CCDC178: variants seen among roughly 807,000 people sequenced by gnomAD.
The protein encoded by CCDC178 is coiled-coil domain containing 178.
A neutral mutation model predicts 117.4 loss-of-function variants in CCDC178; 126 were observed. That is an observed-to-expected ratio of 1.07 (90% CI 0.93 to 1.24). The LOEUF (loss-of-function observed/expected upper bound fraction) is 1.24. Among genes scored for constraint, CCDC178 ranks in the 50% most tolerant of loss-of-function variants. The probability of loss-of-function intolerance (pLI) is 0.00; values close to 1 mark genes in which losing one functional copy is unlikely to be tolerated. For synonymous variants in CCDC178, 283 were observed against 313.4 expected (o/e 0.90, Z 1.02); for missense variants, 1,030 against 986.9 (o/e 1.04, Z -0.59).
At chr18:33,391,695 A>C (rs1228989475) in intron 4 of CCDC178, among the ~76,000 whole-genome samples, 3 of 152,160 alleles carry the variant, frequency 2.0e-5, no homozygotes, top group Admixed American at 6.5e-5. Context: ...TGTCATAAAA[A>C]ATATGTATGA....
intron 20 of CCDC178, among the ~76,000 whole-genome samples, chr18:33,202,001 C>T (rs1420859510): frequency 2.0e-5 from 3 of 152,144 alleles, no homozygotes; most frequent in African/African-American, 7.2e-5. Flanking sequence ...TTTCAACTAT[C>T]AACGCAGTGG....
intron 4 of CCDC178, among the ~76,000 whole-genome samples, chr18:33,395,409 C>G (rs1189659204): frequency 6.6e-6 from 1 of 151,866 alleles, no homozygotes; most frequent in African/African-American, 2.4e-5. Context: ...TGGCTATAGC[C>G]TCGGAGCAAA....
At chr18:32,999,083 C>T (rs528329502) in intron 21 of CCDC178, among the ~76,000 whole-genome samples, 1 of 152,146 alleles carries the variant, frequency 6.6e-6, no homozygotes, top group African/African-American at 2.4e-5. Flanking sequence ...TCTGGATCTT[C>T]CCTGGACCAC....
chr18:33,293,780 C>T (rs2062069089), intron 11 of CCDC178, among the ~76,000 whole-genome samples: 2 of 152,040 alleles, frequency 1.3e-5, no homozygotes, highest in South Asian at 4.1e-4. Flanking sequence ...AAAAATACTA[C>T]TTAGATGTTA....
chr18:33,222,301 C>T (rs1397432428), intron 18 of CCDC178, among the ~76,000 whole-genome samples: 1 of 147,816 alleles, frequency 6.8e-6, no homozygotes, highest in African/African-American at 2.5e-5. Context: ...CCTTCCTTTC[C>T]TTCCTTCCTC....
chr18:33,013,779 AT>A (rs1460927581), intron 21 of CCDC178, among the ~76,000 whole-genome samples: 2 of 152,224 alleles, frequency 1.3e-5, no homozygotes, highest in Non-Finnish European at 2.9e-5. Flanking sequence ...GGAAGACTAT[AT>A]ATATGCATAC....
At chr18:33,085,354 G>A (rs891671390) in intron 21 of CCDC178, among the ~76,000 whole-genome samples, 2 of 152,138 alleles carry the variant, frequency 1.3e-5, no homozygotes, top group African/African-American at 4.8e-5. Context: ...ACGAGGTCAG[G>A]GGATCGAGAC....
chr18:33,283,234 T>A (rs549117843), intron 12 of CCDC178, among the ~76,000 whole-genome samples: 1 of 152,048 alleles, frequency 6.6e-6, no homozygotes, highest in Non-Finnish European at 1.5e-5. Flanking sequence ...ACTGGCCCCC[T>A]CAAATCTCCC....
intron 22 of CCDC178, among the ~76,000 whole-genome samples, chr18:32,945,850 A>C (rs989309770): frequency 9.8e-5 from 15 of 152,316 alleles, no homozygotes; most frequent in African/African-American, 3.6e-4. Flanking sequence ...GTTGAGAGCA[A>C]AAAAGCTTAG....
intron 20 of CCDC178, among the ~76,000 whole-genome samples, chr18:33,184,770 T>C (rs2058771203): frequency 6.6e-6 from 1 of 152,036 alleles, no homozygotes; most frequent in Non-Finnish European, 1.5e-5. Flanking sequence ...TATTATATAG[T>C]TTACTAAAAA....
At chr18:33,409,393 T>G (rs1026043424) in intron 3 of CCDC178, among the ~76,000 whole-genome samples, 3 of 152,320 alleles carry the variant, frequency 2.0e-5, no homozygotes, top group Middle Eastern at 3.4e-3. Flanking sequence ...CCCCATTAAT[T>G]ATTTTTAGAA....
chr18:33,175,019 ATTTTTTAT>A (rs1328052525), intron 20 of CCDC178, among the ~76,000 whole-genome samples: 6 of 147,580 alleles, frequency 4.1e-5, no homozygotes, highest in African/African-American at 1.0e-4. Flanking sequence ...AACCCGGCTA[ATTTTTTAT>A]TTTTTTATTT....
intron 20 of CCDC178, among the ~76,000 whole-genome samples, chr18:33,096,059 CT>C (rs1312135820): frequency 6.6e-6 from 1 of 151,546 alleles, no homozygotes; most frequent in Non-Finnish European, 1.5e-5. Context: ...AGCAAAAATG[CT>C]GAAAAATGGA....
At chr18:33,331,063 C>T (rs1320898914) in intron 10 of CCDC178, among the ~76,000 whole-genome samples, 1 of 56,332 alleles carries the variant, frequency 1.8e-5, no homozygotes, top group African/African-American at 1.3e-4. Flanking sequence ...GGTCTGCTAG[C>T]ATGAATTCTT....
rs2062314388 is a variant in CCDC178, at chr18:33,309,947, ATTT to A, written c.1022+13541_1022+13543del. ...TTTTCTTTTTTCTTTTCTTTTATTTATTTATTTATTTATTTATTTATTTATTTA... is the reference window on the plus strand; with the variant it reads ...TTTTCTTTTTTCTTTTCTTTTATTTAATTTATTTATTTATTTATTTATTTA... On this transcript the variant is annotated intron_variant, in intron 11 of 22. Coordinates refer to ENST00000383096, the MANE Select transcript of CCDC178 (RefSeq NM_001105528.4). 8.1e-4 allele frequency among the ~76,000 whole-genome samples: 7 copies of A among 8,684 alleles called. No individual in the cohort carries two copies. In the Admixed American group the frequency reaches 0.011, roughly 13 times the overall value. 5.7% of individuals were successfully genotyped at this position (8,684 alleles called of 152,430 possible).
chr18:33,365,308 T>G (rs2063187204), intron 6 of CCDC178, among the ~76,000 whole-genome samples: 1 of 152,084 alleles, frequency 6.6e-6, no homozygotes, highest in Non-Finnish European at 1.5e-5. Context: ...CCAATGAGAA[T>G]GACAAACTTT....
intron 21 of CCDC178, among the ~76,000 whole-genome samples, chr18:32,979,258 C>A (rs929576881): frequency 6.6e-6 from 1 of 151,818 alleles, no homozygotes; most frequent in Non-Finnish European, 1.5e-5. Context: ...TGGGTTCAAA[C>A]GATTCTCCTG....
chr18:33,212,588 GA>G (rs777580288), intron 19 of CCDC178, among the ~76,000 whole-genome samples: 14 of 152,050 alleles, frequency 9.2e-5, no homozygotes, highest in Non-Finnish European at 1.8e-4. Context: ...AATTATGTAA[GA>G]TGATGCCTTT....
chr18:33,278,383 A>G (rs57238185), intron 12 of CCDC178, among the ~76,000 whole-genome samples: 10,286 of 150,564 alleles, frequency 0.068, 549 homozygotes, highest in African/African-American at 0.14. Flanking sequence ...ATTTTTGGCT[A>G]CACTGAAATA....
Sources: gnomAD v4.1 joint callset for allele counts (sites outside exome capture counted in the v4.1 genomes callset) on GRCh38, gnomAD v4.1.1 for gene constraint, MANE v1.5 for transcripts, NCBI Gene and HGNC (gene_info 2026-07-23, HGNC 2026-07-21) for gene names.